The following OVOL2 variants were observed in gnomAD, a reference collection of about 807,000 sequenced individuals.
OVOL2 encodes the protein ovo like zinc finger 2.
In OVOL2, 13 loss-of-function variants were observed where a neutral mutation model predicts 18.1. That is an observed-to-expected ratio of 0.72 (90% CI 0.47 to 1.14). The LOEUF is 1.14. OVOL2 is among the 50% of genes most tolerant of loss of function. The probability of loss-of-function intolerance (pLI) is 0.00; values close to 1 mark genes in which losing one functional copy is unlikely to be tolerated. For synonymous variants in OVOL2, 166 were observed against 162.7 expected, an observed-to-expected ratio of 1.02 and a Z score of -0.16; for missense variants, 335 against 383.0, an observed-to-expected ratio of 0.87 and a Z score of 1.05.
At chr20:18,034,785 A>G (rs1170182493) in intron 3 of OVOL2, among the ~76,000 whole-genome samples, 1 of 152,010 alleles carries the variant, frequency 6.6e-6, no homozygotes, top group Non-Finnish European at 1.5e-5. Flanking sequence ...GTTTCCCTGG[A>G]TCTTTTCCAA....
At chr20:18,036,300 G>GA (rs917340256) in intron 3 of OVOL2, among the ~76,000 whole-genome samples, 2 of 151,452 alleles carry the variant, frequency 1.3e-5, no homozygotes, top group Non-Finnish European at 2.9e-5. Flanking sequence ...TCTCAAAAAA[G>GA]AAAAAAACAA....
chr20:18,029,726 C>T (rs1269743538), intron 3 of OVOL2, among the ~76,000 whole-genome samples: 1 of 152,114 alleles, frequency 6.6e-6, no homozygotes, highest in South Asian at 2.1e-4. Flanking sequence ...ACCTGTAATC[C>T]CAGCACTTTG....
chr20:18,042,504 C>A (rs182431199), intron 2 of OVOL2, among the ~76,000 whole-genome samples: 1 of 151,880 alleles, frequency 6.6e-6, no homozygotes. Flanking sequence ...TGGCCAGGCG[C>A]GGCGTCTCAT....
intron 2 of OVOL2, among the ~76,000 whole-genome samples, chr20:18,043,071 C>A (rs2122712374): frequency 6.6e-6 from 1 of 152,296 alleles, no homozygotes; most frequent in South Asian, 2.1e-4. Context: ...TGAAGGGGAG[C>A]AAACGGTGCC....
At position 18,024,365 on chromosome 20, in the gene OVOL2, C is replaced by A; in HGVS notation, c.*271G>T. Reference sequence around the variant, plus strand: ...AAAATCCTTGGGGGAAAAAAAAATCCCACACGGTGTTCTTGGCCATCAGGA... The same window carrying A: ...AAAATCCTTGGGGGAAAAAAAAATCACACACGGTGTTCTTGGCCATCAGGA... On this transcript the variant is annotated 3_prime_UTR_variant, in exon 4 of 4. Coordinates refer to ENST00000278780, the MANE Select transcript of OVOL2 (RefSeq NM_021220.4). 1 of 444,176 alleles carries A rather than the reference C, an allele frequency of 2.3e-6. No individual in the cohort carries two copies. Among genetic ancestry groups the A allele is most frequent in the Non-Finnish European group, 3.6e-6 (1 of 274,652 alleles). 27.5% of individuals were successfully genotyped at this position (444,176 alleles called of 1,614,324 possible).
At chr20:18,032,698 G>T (rs1232651146) in intron 3 of OVOL2, among the ~76,000 whole-genome samples, 1 of 152,032 alleles carries the variant, frequency 6.6e-6, no homozygotes, top group African/African-American at 2.4e-5. Flanking sequence ...GTAGAGACAG[G>T]GTTTCACCAT....
chr20:18,057,472 C>G lies in OVOL2; in HGVS notation c.100+63G>C. 1.3e-6 allele frequency: 2 copies of G among 1,520,476 alleles called. No homozygotes were observed. The highest frequency in any genetic ancestry group is 1.2e-5 in the South Asian group (1 of 82,932). 94.2% of individuals were successfully genotyped at this position (1,520,476 alleles called of 1,614,324 possible). A position where few individuals can be genotyped will look rare whatever the true frequency, so the allele number is the denominator to read the frequency against. ...CGCCCCTGCCGATGAGCAGAGAAGACCCGCCACCCCTTCCCCCACCCCGGG... is the reference window on the plus strand; with the variant it reads ...CGCCCCTGCCGATGAGCAGAGAAGAGCCGCCACCCCTTCCCCCACCCCGGG... On this transcript the variant is annotated intron_variant, in intron 1 of 3. Coordinates refer to ENST00000278780, the MANE Select transcript of OVOL2 (RefSeq NM_021220.4). The surrounding 1 kb of genome is among the most constrained non-coding windows in gnomAD (Gnocchi z 6.3).
At position 18,057,578 on chromosome 20, in the gene OVOL2, C is replaced by T; in HGVS notation, c.57G>A (p.Trp19Ter). The change falls in exon 1 of 4, where the codon TGG becomes TGA. Residue 19 changes from tryptophan (W) to a stop codon, truncating the protein, a stop_gained. Transcript: ENST00000278780. LOFTEE classifies it high-confidence loss of function. The surrounding 1 kb of genome is among the most constrained non-coding windows in gnomAD (Gnocchi z 6.3). The stretch of plus-strand genomic sequence containing the variant: ...CCCTTTTCTCATCCGGGAGCTCATC[C>T]CAGCTGCGGACCGAGACCCCCAGGC... ...RRSLGVSVRS[W>*]DELPDEKRAD... is the part of the protein sequence containing the mutation. 1 of 1,597,772 alleles carries T rather than the reference C, an allele frequency of 6.3e-7. No individual in the cohort carries two copies. The highest frequency in any genetic ancestry group is 8.5e-7 in the Non-Finnish European group (1 of 1,172,000).
chr20:18,055,118 T>C (rs574300424), intron 2 of OVOL2, among the ~76,000 whole-genome samples: 1 of 152,086 alleles, frequency 6.6e-6, no homozygotes, highest in East Asian at 1.9e-4. Context: ...AGGCAACTAA[T>C]CTAGGAAATA....
At chr20:18,044,855 G>A (rs1444148856) in intron 2 of OVOL2, among the ~76,000 whole-genome samples, 2 of 152,186 alleles carry the variant, frequency 1.3e-5, no homozygotes, top group African/African-American at 2.4e-5. Flanking sequence ...ATGGGAAAGA[G>A]GGAACTGTGT....
intron 2 of OVOL2, among the ~76,000 whole-genome samples, chr20:18,049,645 A>AAT (rs1325697230): frequency 1.3e-5 from 2 of 151,706 alleles, no homozygotes; most frequent in Non-Finnish European, 2.9e-5. Context: ...AGATGAAGGG[A>AAT]ATATATATCT....
intron 3 of OVOL2, among the ~76,000 whole-genome samples, chr20:18,029,159 T>A (rs1331085668): frequency 3.3e-5 from 5 of 152,210 alleles, no homozygotes; most frequent in Admixed American, 2.0e-4. Context: ...CCCTAGTAGC[T>A]GGGACCACAG....
chr20:18,055,268 G>A (rs1310648311), intron 2 of OVOL2, among the ~76,000 whole-genome samples: 1 of 152,196 alleles, frequency 6.6e-6, no homozygotes, highest in African/African-American at 2.4e-5. Context: ...GCAATTGGGG[G>A]ACAGAGGGGC....
At position 18,031,721 on chromosome 20, in the gene OVOL2, G is replaced by T. The variant is rs187634694; in HGVS notation, c.512-6769C>A. 2.7e-3 allele frequency among the ~76,000 whole-genome samples: 413 copies of T among 152,302 alleles called. 5 individuals carry two copies. The highest frequency in any genetic ancestry group is 5.1e-4 in the Non-Finnish European group (35 of 68,026). The stretch of plus-strand genomic sequence containing the variant: ...GGAAAGGATAATTTTTTAAAATGTG[G>T]CTGGTGGAGGAGAGGGGGGACTGCT... On this transcript the variant is annotated intron_variant, in intron 3 of 3. Coordinates refer to ENST00000278780, the MANE Select transcript of OVOL2 (RefSeq NM_021220.4).
intron 3 of OVOL2, among the ~76,000 whole-genome samples, chr20:18,037,034 G>A (rs2036621082): frequency 6.6e-6 from 1 of 151,442 alleles, no homozygotes; most frequent in South Asian, 2.1e-4. Flanking sequence ...TACTCGGGAG[G>A]CTGAGGCAGG....
chr20:18,055,820 A>G (rs2036817362), intron 2 of OVOL2, among the ~76,000 whole-genome samples: 1 of 152,198 alleles, frequency 6.6e-6, no homozygotes, highest in Non-Finnish European at 1.5e-5. Flanking sequence ...AAGAGGGGCC[A>G]AGTGATCATA....
chr20:18,025,205 G>A (rs1332973996), intron 3 of OVOL2, among the ~76,000 whole-genome samples: 3 of 152,196 alleles, frequency 2.0e-5, no homozygotes, highest in Non-Finnish European at 1.5e-5. Flanking sequence ...TAGGGAGGAA[G>A]ATTTTTATTC....
At chr20:18,053,616 A>G (rs137882768) in intron 2 of OVOL2, among the ~76,000 whole-genome samples, 2,941 of 151,198 alleles carry the variant, frequency 0.019, 46 homozygotes, top group East Asian at 0.07. Context: ...CAGGAGAATC[A>G]CTTGAACCTG....
intron 3 of OVOL2, among the ~76,000 whole-genome samples, chr20:18,028,594 A>G (rs2036540540): frequency 6.7e-6 from 1 of 149,312 alleles, no homozygotes; most frequent in Non-Finnish European, 1.5e-5. Context: ...GGAGTTCGAG[A>G]CCTGCCTGGC....
Sources: gnomAD v4.1 joint callset for allele counts (sites outside exome capture counted in the v4.1 genomes callset) on GRCh38, gnomAD v4.1.1 for gene constraint, Gnocchi (gnomAD v3.1) non-coding constraint, MANE v1.5 for transcripts, NCBI Gene and HGNC (gene_info 2026-07-23, HGNC 2026-07-21) for gene names.